GRK7: variants seen among roughly 807,000 people sequenced by gnomAD.
GRK7 encodes rhodopsin kinase GRK7.
GRK7 carries 24 observed loss-of-function variants against 34.1 expected under a neutral mutation model. The ratio of observed to expected loss-of-function variants is 0.70; its 90% CI spans 0.51 to 0.99. GRK7 has a LOEUF of 0.99. Among genes scored for constraint, GRK7 ranks in the 50% least tolerant of loss-of-function variants. The pLI is 0.00. For synonymous variants in GRK7, 256 were observed against 279.4 expected (o/e 0.92, Z 0.84); for missense variants, 644 against 707.3 (o/e 0.91, Z 1.02).
intron 4 of GRK7, among the ~76,000 whole-genome samples, chr3:141,794,471 G>A (rs1559844604): frequency 2.0e-5 from 3 of 152,220 alleles, no homozygotes; most frequent in South Asian, 2.1e-4. Flanking sequence ...AAAGCACATC[G>A]TAAGAGGAAA....
chr3:141,771,104 A>C (rs926772878), intron 1 of GRK7, among the ~76,000 whole-genome samples: 2 of 152,232 alleles, frequency 1.3e-5, no homozygotes, highest in African/African-American at 4.8e-5. Context: ...TTAAAAAGAT[A>C]ACTGCACACA....
chr3:141,784,691 G>A (rs1304134447), intron 4 of GRK7, among the ~76,000 whole-genome samples: 2 of 152,174 alleles, frequency 1.3e-5, no homozygotes, highest in Non-Finnish European at 2.9e-5. Flanking sequence ...GTTCAGTTGT[G>A]ATGTCAAGAT....
rs140788568 is a variant in GRK7, at chr3:141,772,228, G to A, written c.-214-2352G>A. ...TCCTGCCTCAGCCTCCCAAGTATCT[G>A]GGATTACAGGCATGCGCCACCATGC... is the stretch of plus-strand genomic sequence containing the variant. On this transcript the variant is annotated intron_variant, in intron 1 of 5. Transcript: ENST00000682958. 5.4e-3 allele frequency among the ~76,000 whole-genome samples: 819 copies of A among 152,124 alleles called. 7 individuals carry two copies. The highest frequency in any genetic ancestry group is 0.019 in the African/African-American group (773 of 41,484).
At chr3:141,782,990 G>T in intron 4 of GRK7, among the ~76,000 whole-genome samples, 1 of 152,186 alleles carries the variant, frequency 6.6e-6, no homozygotes, top group East Asian at 1.9e-4. Flanking sequence ...GCCAGCATTA[G>T]TTCAGCAGCT....
At chr3:141,791,494 C>T (rs899722636) in intron 4 of GRK7, among the ~76,000 whole-genome samples, 1 of 152,164 alleles carries the variant, frequency 6.6e-6, no homozygotes, top group Admixed American at 6.5e-5. Context: ...CAGCATTGAC[C>T]AAATTTAATT....
At chr3:141,755,086 A>G in the GRK7 span, among the ~76,000 whole-genome samples, 1 of 152,244 alleles carries the variant, frequency 6.6e-6, no homozygotes, top group Non-Finnish European at 1.5e-5. Context: ...CCAAGGTTCT[A>G]GAGAGTACCT....
At chr3:141,773,936 C>T (rs2084627635) in intron 1 of GRK7, among the ~76,000 whole-genome samples, 1 of 152,186 alleles carries the variant, frequency 6.6e-6, no homozygotes, top group Admixed American at 6.6e-5. Context: ...ACTTAGTGCT[C>T]TTAACTGTTG....
In GRK7 at chr3:141,778,572, C is replaced by T. The variant is rs1171693802; in HGVS notation, c.288C>T (p.Ala96=). 9 of 1,613,032 alleles carry T rather than the reference C, an allele frequency of 5.6e-6. No homozygotes were observed. In the African/African-American group the frequency reaches 1.1e-4, roughly 19 times the overall value. The change falls in exon 3 of 6, where the codon GCC becomes GCT. Residue 96 remains alanine (A), a synonymous_variant. Transcript: ENST00000682958. This position sits in a 1 kb window ranked among gnomAD's most constrained non-coding sequence, Gnocchi z 4.1. ...AGGACGTGCAGAACTGGGAGCTGGC[C>T]GAGGAGGGACCCACCAAAGACAGCG... ...FLEDVQNWEL[A]EEGPTKDSAL... is the part of the protein sequence containing the mutation.
intron 4 of GRK7, among the ~76,000 whole-genome samples, chr3:141,798,394 G>A (rs533909456): frequency 1.3e-5 from 2 of 152,260 alleles, no homozygotes; most frequent in East Asian, 3.9e-4. Context: ...TGTGGGTCTG[G>A]AAAGGGCACC....
Position 141,778,021 on chromosome 3 carries a change from G to C in GRK7, c.-113-151G>C. 6.3e-6 allele frequency: 3 copies of C among 478,906 alleles called. No homozygotes were observed. Among genetic ancestry groups the C allele is most frequent in the Non-Finnish European group, 1.1e-5 (3 of 273,060 alleles). The allele number at this position is 478,906 out of a possible 1,614,324, so 29.7% of individuals were successfully genotyped here. ...ACCCTAAGATGAAGGGACCAGTGGG[G>C]GAGGTGGCCCCGGCAGGTGTCCCAG... On this transcript the variant is annotated intron_variant, in intron 2 of 5. Transcript: ENST00000682958. This position sits in a 1 kb window ranked among gnomAD's most constrained non-coding sequence, Gnocchi z 4.1.
the GRK7 span, among the ~76,000 whole-genome samples, chr3:141,750,307 T>C: frequency 6.6e-6 from 1 of 152,242 alleles, no homozygotes; most frequent in Non-Finnish European, 1.5e-5. Context: ...AATCTGCTTT[T>C]CCTGTATTGG....
At chr3:141,805,184 G>C (rs535475955) in intron 4 of GRK7, among the ~76,000 whole-genome samples, 1 of 151,970 alleles carries the variant, frequency 6.6e-6, no homozygotes, top group African/African-American at 2.4e-5. Flanking sequence ...ACACTCTATT[G>C]AATCAACCTT....
At chr3:141,780,297 C>A in intron 3 of GRK7, 77 bp from the exon 4 acceptor site, 1 of 1,237,436 alleles carries the variant, frequency 8.1e-7, no homozygotes, top group Non-Finnish European at 1.1e-6. Flanking sequence ...TTCCACCCAC[C>A]TCCTCCTTTA....
chr3:141,754,047 A>G, the GRK7 span, among the ~76,000 whole-genome samples: 1 of 152,254 alleles, frequency 6.6e-6, no homozygotes, highest in Non-Finnish European at 1.5e-5. Flanking sequence ...GGTGCATAAT[A>G]TAAGCAGTTA....
intron 4 of GRK7, among the ~76,000 whole-genome samples, chr3:141,806,866 T>C (rs1267455738): frequency 6.6e-6 from 1 of 151,978 alleles, no homozygotes; most frequent in Non-Finnish European, 1.5e-5. Context: ...ATGATTTAGA[T>C]AGTAAATTTT....
intron 4 of GRK7, among the ~76,000 whole-genome samples, chr3:141,788,155 TCCCTGGGGGGGC>T (rs1198803253): frequency 2.0e-5 from 3 of 152,230 alleles, no homozygotes; most frequent in Admixed American, 2.0e-4. Context: ...GAGCTGTGCC[TCCCTGGGGGGGC>T]ACAGGCCCTT....
intron 5 of GRK7, among the ~76,000 whole-genome samples, chr3:141,814,983 G>A (rs1443917382): frequency 6.8e-6 from 1 of 147,990 alleles, no homozygotes; most frequent in African/African-American, 2.5e-5. Context: ...GGAGTGCAGT[G>A]GCACAATCTT....
intron 5 of GRK7, among the ~76,000 whole-genome samples, chr3:141,812,839 T>C (rs963282441): frequency 4.6e-5 from 7 of 152,188 alleles, no homozygotes; most frequent in East Asian, 1.9e-4. Context: ...CTGCTTAGAC[T>C]GGGTTTTAAG....
chr3:141,805,800 C>G (rs1711030306), intron 4 of GRK7, among the ~76,000 whole-genome samples: 1 of 152,194 alleles, frequency 6.6e-6, no homozygotes, highest in Admixed American at 6.5e-5. Flanking sequence ...TCAACACTTT[C>G]TAATGTTTTC....
Sources: allele counts gnomAD v4.1 joint callset (sites outside exome capture counted in the v4.1 genomes callset), GRCh38; gene constraint gnomAD v4.1.1; non-coding constraint Gnocchi (gnomAD v3.1); transcripts MANE v1.5; gene names NCBI Gene and HGNC (gene_info 2026-07-23, HGNC 2026-07-21).